Variants in FGL1 observed in about 807,000 individuals in gnomAD.
FGL1 encodes the protein fibrinogen-like protein 1.
In FGL1, 59 loss-of-function variants were observed where a neutral mutation model predicts 43.7. The observed-to-expected ratio is 1.35, with a 90% CI of 1.10 to 1.68. The LOEUF is 1.68. Among genes scored for constraint, FGL1 ranks in the 40% most tolerant of loss-of-function variants. FGL1 has a pLI of 0.00. For synonymous variants in FGL1, 192 were observed against 126.5 expected (o/e 1.52, Z -3.48); for missense variants, 596 against 373.0 (o/e 1.60, Z -4.92).
At chr8:17,868,769 G>C in intron 6 of FGL1, 34 bp from the exon 7 acceptor site, 1 of 1,578,026 alleles carries the variant, frequency 6.3e-7, no homozygotes, top group East Asian at 2.2e-5. Flanking sequence ...TGTCAGTGGA[G>C]TTCCTCTATG....
At chr8:17,885,339 C>T (rs2053611893) in intron 2 of FGL1, among the ~76,000 whole-genome samples, 153 bp downstream of exon 2, 1 of 152,164 alleles carries the variant, frequency 6.6e-6, no homozygotes, top group African/African-American at 2.4e-5. Context: ...TGCTGCTTTA[C>T]TATGTGTCCA....
chr8:17,890,191 C>A (rs947424464), intron 1 of FGL1, among the ~76,000 whole-genome samples: 2 of 152,178 alleles, frequency 1.3e-5, no homozygotes, highest in Non-Finnish European at 2.9e-5. Flanking sequence ...AACATCCAAT[C>A]ATTTCTCACC....
Position 17,868,632 on chromosome 8 carries a change from A to T in FGL1, c.695T>A (p.Met232Lys). ...ATCTCTGTCCCACGTGCTGAATTTC[A>T]TTCTTTGGTGACTAGCCCACCACTG... Reference protein sequence around the residue: ...EVQWWASHQRMKFSTWDRDHD... With the variant: ...EVQWWASHQRKKFSTWDRDHD... The change falls in exon 7 of 8, where the codon ATG (methionine) becomes AAG (lysine). Residue 232 changes from methionine (M) to lysine (K), a missense_variant. By Grantham distance (95) the Met-to-Lys change is moderately conservative. Coordinates refer to ENST00000427924, the MANE Select transcript of FGL1 (RefSeq NM_004467.4). 1 of 1,614,102 alleles carries T rather than the reference A, an allele frequency of 6.2e-7. No individual in the cohort carries two copies. The highest frequency in any genetic ancestry group is 8.5e-7 in the Non-Finnish European group (1 of 1,180,012).
rs1487216011 is a variant in FGL1 at position 17,894,807 on chromosome 8, G to T, written c.-18+640C>A. Among the ~76,000 whole-genome samples the T allele has an allele frequency of 3.4e-5, 5 of 146,156 alleles. 1 individual carries two copies. Among genetic ancestry groups the T allele is most frequent in the Admixed American group, 2.0e-4 (3 of 14,900 alleles). The stretch of plus-strand genomic sequence containing the variant: ...GAAGTATGTTTTGAAAATGCTCTGG[G>T]TGATGCACCTATATATCATATAATT... On this transcript the variant is annotated intron_variant, in intron 1 of 7. Coordinates refer to ENST00000427924, the MANE Select transcript of FGL1 (RefSeq NM_004467.4).
At chr8:17,879,471 G>T (rs2053502959) in intron 3 of FGL1, among the ~76,000 whole-genome samples, 1 of 152,106 alleles carries the variant, frequency 6.6e-6, no homozygotes, top group Non-Finnish European at 1.5e-5. Context: ...GGAGGCGATT[G>T]GCTCATGGGG....
chr8:17,886,305 T>G (rs2053627448), intron 1 of FGL1, among the ~76,000 whole-genome samples: 1 of 152,198 alleles, frequency 6.6e-6, no homozygotes, highest in South Asian at 2.1e-4. Flanking sequence ...AGTTGGGGAC[T>G]TTTGGTTTGA....
In FGL1 at chr8:17,867,395, GA is replaced by G. The variant is rs568338854; in HGVS notation, c.779+1152del. Among the ~76,000 whole-genome samples, 345 of 152,228 alleles carry G rather than the reference GA, an allele frequency of 2.3e-3. 1 individual carries two copies. Among genetic ancestry groups the G allele is most frequent in the African/African-American group, 7.8e-3 (326 of 41,538 alleles). On this transcript the variant is annotated intron_variant, in intron 7 of 7. Coordinates refer to ENST00000427924, the MANE Select transcript of FGL1 (RefSeq NM_004467.4). ...CTGTAAAATTTCAGAACGCTAGGGG[GA>G]AAAATCTTTTGGGTGTAGGAAGGAA...
intron 5 of FGL1, among the ~76,000 whole-genome samples, chr8:17,873,233 A>T (rs1448834484): frequency 6.6e-6 from 1 of 152,094 alleles, no homozygotes; most frequent in African/African-American, 2.4e-5. Flanking sequence ...AAGAAAAATG[A>T]CTCCATGCCA....
At chr8:17,877,774 C>T (rs2517305) in intron 3 of FGL1, among the ~76,000 whole-genome samples, 110,143 of 151,974 alleles carry the variant, frequency 0.72, 40,452 homozygotes, top group Non-Finnish European at 0.79. Flanking sequence ...TACAAACAAT[C>T]CAATTTTGCT....
intron 1 of FGL1, 163 bp downstream of exon 1, chr8:17,895,284 C>G: frequency 9.6e-7 from 1 of 1,041,934 alleles, no homozygotes; most frequent in Non-Finnish European, 1.2e-6. Flanking sequence ...ATACATAATT[C>G]TAAATCTCTT....
rs575067637 is a variant in FGL1 at position 17,868,726 on chromosome 8, C to T, written c.601G>A (p.Glu201Lys). Residue 201 changes from glutamate (E) to lysine (K), a missense_variant, in exon 7 of 8, where the codon GAG becomes AAG. By Grantham distance (56) the Glu-to-Lys change is moderately conservative. Transcript: ENST00000427924. ...FKVGDEKNFY[E>K]LNIGEYSGTA... Reference sequence around the variant, plus strand: ...CCAGAATATTCCCCAATATTCAACTCGTAGAAATTCTAAAGAAAAAGGGCA... The same window carrying T: ...CCAGAATATTCCCCAATATTCAACTTGTAGAAATTCTAAAGAAAAAGGGCA... 2 of 1,608,760 alleles carry T rather than the reference C, an allele frequency of 1.2e-6. No individual in the cohort carries two copies. The highest frequency in any genetic ancestry group is 8.5e-7 in the Non-Finnish European group (1 of 1,177,600).
At position 17,882,340 on chromosome 8, in the gene FGL1, A is replaced by G. The variant is rs144087601; in HGVS notation, c.64-161T>C. 416 of 568,678 alleles carry G rather than the reference A, an allele frequency of 7.3e-4. 4 individuals carry two copies. The African/African-American group carries it at 7.3e-3, about 10-fold the overall frequency. 35.2% of individuals were successfully genotyped at this position (568,678 alleles called of 1,614,324 possible). ...GGCTTGAAAAGTTCTAATACTGCCTACTATTTGAAGAATTGGAAATTATGG... is the reference window on the plus strand; with the variant it reads ...GGCTTGAAAAGTTCTAATACTGCCTGCTATTTGAAGAATTGGAAATTATGG... On this transcript the variant is annotated intron_variant, in intron 2 of 7. Transcript: ENST00000427924.
chr8:17,895,480 G>A lies in FGL1; in HGVS notation c.-51C>T, dbSNP rs1380303780. 3 of 1,283,866 alleles carry A rather than the reference G, an allele frequency of 2.3e-6. No homozygotes were observed. Among genetic ancestry groups the A allele is most frequent in the Admixed American group, 4.6e-5 (2 of 43,494 alleles). 79.5% of individuals were successfully genotyped at this position (1,283,866 alleles called of 1,614,324 possible). ...AGAAGTGAGTCAGAGACCCAGCTCA[G>A]GTTCCATCCAGACACTCTGCTTCCC... On this transcript the variant is annotated 5_prime_UTR_variant, in exon 1 of 8. Coordinates refer to ENST00000427924, the MANE Select transcript of FGL1 (RefSeq NM_004467.4).
chr8:17,874,338 AG>A, intron 4 of FGL1, 23 bp downstream of exon 4: 1 of 1,598,792 alleles, frequency 6.3e-7, no homozygotes, highest in Non-Finnish European at 8.5e-7. Context: ...CTACATATAA[AG>A]TCTTACATCA....
chr8:17,870,306 CT>C (rs982781961), intron 5 of FGL1, among the ~76,000 whole-genome samples: 2 of 151,944 alleles, frequency 1.3e-5, no homozygotes, highest in South Asian at 2.1e-4. Context: ...TTCAAGTAAT[CT>C]TTTTTTTCCC....
In FGL1 at chr8:17,864,616, A is replaced by G; in HGVS notation, c.915T>C (p.Asn305=). 1.2e-6 allele frequency: 2 copies of G among 1,609,562 alleles called. No individual in the cohort carries two copies. Residue 305 remains asparagine, a synonymous_variant, in exon 8 of 8, where the codon AAT becomes AAC. Coordinates refer to ENST00000427924, the MANE Select transcript of FGL1 (RefSeq NM_004467.4). ...LKSVVMKIRP[N]DFIPNVI ...ATTAAATTACATTTGGAATAAAATC[A>G]TTTGGCCTAATTTTCATAACCACAG... is the stretch of plus-strand genomic sequence containing the variant.
chr8:17,864,838 A>C, intron 7 of FGL1, 87 bp from the exon 8 acceptor site: 12 of 1,176,418 alleles, frequency 1.0e-5, no homozygotes, highest in African/African-American at 1.6e-5. Flanking sequence ...ACAAATGCTC[A>C]AAATTTTTGA....
rs569615105 is a variant in FGL1, at chr8:17,875,374, A to T, written c.245-853T>A. Among the ~76,000 whole-genome samples, 106 of 152,072 alleles carry T rather than the reference A, an allele frequency of 7.0e-4. 1 individual carries two copies. Among genetic ancestry groups the T allele is most frequent in the African/African-American group, 2.4e-3 (100 of 41,420 alleles). On this transcript the variant is annotated intron_variant, in intron 3 of 7. Coordinates refer to ENST00000427924, the MANE Select transcript of FGL1 (RefSeq NM_004467.4). Reference sequence around the variant, plus strand: ...ACATTCTTAGATGTTTTTGCTAAAAACTGCAAGCTTCTGCTATTCTTTTCA... The same window carrying T: ...ACATTCTTAGATGTTTTTGCTAAAATCTGCAAGCTTCTGCTATTCTTTTCA...
chr8:17,864,670 G>A lies in FGL1; in HGVS notation c.861C>T (p.Thr287=). The part of the protein sequence containing the change: ...AKTDNGIVWY[T]WHGWWYSLKS... ...TCAGAGAATACCACCACCCATGCCA[G>A]GTGTACCAGACAATCCCATTGTCTG... The change falls in exon 8 of 8, where the codon ACC becomes ACT. Residue 287 remains threonine (T), a synonymous_variant. Coordinates refer to ENST00000427924, the MANE Select transcript of FGL1 (RefSeq NM_004467.4). 6.2e-7 allele frequency: 1 copy of A among 1,613,774 alleles called. No homozygotes were observed. Among genetic ancestry groups the A allele is most frequent in the East Asian group, 2.2e-5 (1 of 44,862 alleles).
Sources: gnomAD v4.1 joint callset for allele counts (sites outside exome capture counted in the v4.1 genomes callset) on GRCh38, gnomAD v4.1.1 for gene constraint, MANE v1.5 for transcripts, NCBI Gene and HGNC (gene_info 2026-07-23, HGNC 2026-07-21) for gene names.